Variants in ZFC3H1 observed in about 807,000 individuals in gnomAD.
ZFC3H1 encodes the protein zinc finger C3H1-type containing.
In ZFC3H1, 71 loss-of-function variants were observed where a neutral mutation model predicts 243.7. That is an observed-to-expected ratio of 0.29 (90% CI 0.24 to 0.36). The LOEUF (loss-of-function observed/expected upper bound fraction) is 0.36. ZFC3H1 is among the 10% of genes least tolerant of loss of function. The probability of loss-of-function intolerance (pLI) is 1.00; values close to 1 mark genes in which losing one functional copy is unlikely to be tolerated. For missense variants in ZFC3H1, 1,966 were observed against 2,317.1 expected, an observed-to-expected ratio of 0.85 and a Z score of 3.11; for synonymous variants, 838 against 813.0, an observed-to-expected ratio of 1.03 and a Z score of -0.52.
chr12:71,656,246 T>A (rs896777784), intron 2 of ZFC3H1: 5 of 251,054 alleles, frequency 2.0e-5, no homozygotes, highest in African/African-American at 6.7e-5. Flanking sequence ...CCTGAAGAAC[T>A]ACACACTTAT....
intron 22 of ZFC3H1, 82 bp downstream of exon 22, chr12:71,626,178 T>C (rs1880159392): frequency 2.4e-5 from 34 of 1,439,496 alleles, no homozygotes; most frequent in Non-Finnish European, 2.5e-5. Context: ...ATTAAGCTAC[T>C]TATCAATTTT....
At chr12:71,644,574 T>C (rs918321957) in intron 4 of ZFC3H1, among the ~76,000 whole-genome samples, 3 of 152,186 alleles carry the variant, frequency 2.0e-5, no homozygotes, top group African/African-American at 7.2e-5. Context: ...CCCAGCACTT[T>C]GGGAGGCTGA....
At chr12:71,637,828 A>G (rs7967812) in intron 7 of ZFC3H1, among the ~76,000 whole-genome samples, 2,748 of 152,274 alleles carry the variant, frequency 0.018, 97 homozygotes, top group African/African-American at 0.062. Context: ...TTTGATCTCT[A>G]GGTCCTCTCA....
intron 2 of ZFC3H1, among the ~76,000 whole-genome samples, chr12:71,655,642 G>A (rs75720900): frequency 0.054 from 8,146 of 152,144 alleles, 356 homozygotes; most frequent in Non-Finnish European, 0.083. Flanking sequence ...AAAACACGAA[G>A]TTAGATTAAA....
At chr12:71,659,838 G>A (rs1188937161) in intron 1 of ZFC3H1, among the ~76,000 whole-genome samples, 1 of 152,144 alleles carries the variant, frequency 6.6e-6, no homozygotes, top group Non-Finnish European at 1.5e-5. Flanking sequence ...AGCTGCAGCT[G>A]AAAATGGAAT....
Position 71,620,862 on chromosome 12 carries a change from T to C in ZFC3H1, c.4745-547A>G, listed in dbSNP as rs145371719. On this transcript the variant is annotated intron_variant, in intron 24 of 34. Coordinates refer to ENST00000378743, the MANE Select transcript of ZFC3H1 (RefSeq NM_144982.5). ...ACTTTGCCCAGCTGTGACCATTTCC[T>C]CCTTACCCAATGGTACCACAGCTTC... is the stretch of plus-strand genomic sequence containing the variant. Among the ~76,000 whole-genome samples, 57 of 152,292 alleles carry C rather than the reference T, an allele frequency of 3.7e-4. 2 individuals carry two copies. In the East Asian group the frequency reaches 8.9e-3, roughly 24 times the overall value.
At chr12:71,644,444 T>C in intron 4 of ZFC3H1, 126 bp from the exon 5 acceptor site, 1 of 1,057,296 alleles carries the variant, frequency 9.5e-7, no homozygotes, top group Non-Finnish European at 1.3e-6. Context: ...TATAAGATTG[T>C]CTTCCATTTT....
chr12:71,658,189 C>G (rs973112785), intron 1 of ZFC3H1, among the ~76,000 whole-genome samples: 1 of 151,550 alleles, frequency 6.6e-6, no homozygotes, highest in Non-Finnish European at 1.5e-5. Flanking sequence ...CTAAACAATT[C>G]ATACACGAGA....
intron 12 of ZFC3H1, 145 bp from the exon 13 acceptor site, chr12:71,633,583 T>C (rs943856041): frequency 3.9e-5 from 24 of 613,880 alleles, no homozygotes; most frequent in African/African-American, 3.0e-4. Flanking sequence ...AATATTTTTA[T>C]ATTCATCACA....
At position 71,647,783 on chromosome 12, in the gene ZFC3H1, C is replaced by T; in HGVS notation, c.1046G>A (p.Arg349Lys). 3 of 1,472,056 alleles carry T rather than the reference C, an allele frequency of 2.0e-6. No homozygotes were observed. The highest frequency in any genetic ancestry group is 2.8e-6 in the Non-Finnish European group (3 of 1,081,810). The allele number at this position is 1,472,056 out of a possible 1,614,324, so 91.2% of individuals were successfully genotyped here. A position where few individuals can be genotyped will look rare whatever the true frequency, so the allele number is the denominator to read the frequency against. Residue 349 changes from arginine to lysine, a missense_variant, in exon 3 of 35, where the codon AGA (arginine) becomes AAA (lysine). This residue lies in a region of ZFC3H1 where 484 missense variants were observed against 449.7 expected (regional missense o/e 1.08). Transcript: ENST00000378743. ...CAGAATATCTGAGGTACTAATTCTT[C>T]TTGTTAAATTTTGTTCTTTATCTTG... The part of the protein sequence containing the change: ...GLQDKEQNLT[R>K]RISTSDILSE...
chr12:71,632,589 T>C, intron 14 of ZFC3H1, 75 bp from the exon 15 acceptor site: 1 of 1,461,456 alleles, frequency 6.8e-7, no homozygotes, highest in Middle Eastern at 2.1e-4. Context: ...ATAATTGTGC[T>C]ATCCCCACCA....
intron 21 of ZFC3H1, among the ~76,000 whole-genome samples, 194 bp downstream of exon 21, chr12:71,627,557 T>G: frequency 6.6e-6 from 1 of 152,190 alleles, no homozygotes; most frequent in East Asian, 1.9e-4. Flanking sequence ...CACTGAGCCA[T>G]GCACACAAAC....
At chr12:71,634,543 G>A (rs983207024) in intron 11 of ZFC3H1, among the ~76,000 whole-genome samples, 161 bp downstream of exon 11, 1 of 152,086 alleles carries the variant, frequency 6.6e-6, no homozygotes, top group African/African-American at 2.4e-5. Flanking sequence ...TCAAGTGTAT[G>A]TATGACCATC....
chr12:71,640,619 AG>A (rs1314566442), intron 6 of ZFC3H1, among the ~76,000 whole-genome samples: 1 of 135,202 alleles, frequency 7.4e-6, no homozygotes, highest in South Asian at 2.5e-4. Context: ...CTTTCATTAC[AG>A]GGAACGGGCA....
Position 71,609,893 on chromosome 12 carries a change from G to T in ZFC3H1, c.*535C>A, listed in dbSNP as rs1423928719. The T allele has an allele frequency of 6.6e-6, 1 of 152,638 alleles. No individual in the cohort carries two copies. The highest frequency in any genetic ancestry group is 1.5e-5 in the Non-Finnish European group (1 of 68,082). 9.5% of individuals were successfully genotyped at this position (152,638 alleles called of 1,614,324 possible). On this transcript the variant is annotated 3_prime_UTR_variant, in exon 35 of 35. Transcript: ENST00000378743. ...ATAGAGCATTCAAGTGCAACTAGCA[G>T]ACTTGTGGCCATGGCAGTTACACTT...
At chr12:71,621,225 C>A (rs780236318) in intron 24 of ZFC3H1, among the ~76,000 whole-genome samples, 1 of 152,044 alleles carries the variant, frequency 6.6e-6, no homozygotes, top group Non-Finnish European at 1.5e-5. Context: ...GTAAAGCACC[C>A]TGTAACACAG....
chr12:71,612,557 T>C (rs746482174), intron 31 of ZFC3H1, among the ~76,000 whole-genome samples: 5 of 152,204 alleles, frequency 3.3e-5, no homozygotes, highest in Non-Finnish European at 1.5e-5. Context: ...ACCATTATGT[T>C]TGTCTCAACT....
chr12:71,656,376 G>A (rs570737399), intron 2 of ZFC3H1: 9 of 473,062 alleles, frequency 1.9e-5, no homozygotes, highest in Admixed American at 1.1e-4. Context: ...TGTATTAAAC[G>A]CAAGCATACA....
intron 7 of ZFC3H1, among the ~76,000 whole-genome samples, chr12:71,638,060 G>A (rs1285808031): frequency 6.6e-6 from 1 of 152,010 alleles, no homozygotes. Flanking sequence ...TTAATTTTTA[G>A]AAGCATCCTA....
Sources: gnomAD v4.1 joint callset for allele counts (sites outside exome capture counted in the v4.1 genomes callset) on GRCh38, gnomAD v4.1.1 for gene constraint, gnomAD v4.1.1 regional missense constraint, MANE v1.5 for transcripts, NCBI Gene and HGNC (gene_info 2026-07-23, HGNC 2026-07-21) for gene names.